ITGA9: variants seen among roughly 807,000 people sequenced by gnomAD.
The protein encoded by ITGA9 is integrin subunit alpha 9, also known as integrin alpha-9.
A neutral mutation model predicts 127.8 loss-of-function variants in ITGA9; 56 were observed. The observed-to-expected ratio is 0.44, with a 90% CI of 0.35 to 0.55. The LOEUF (loss-of-function observed/expected upper bound fraction) is 0.55, where lower values mean the gene tolerates loss of function less well. Among genes scored for constraint, ITGA9 ranks in the 20% least tolerant of loss-of-function variants. The pLI, the probability that ITGA9 is intolerant of heterozygous loss-of-function variation, is 0.00. For synonymous variants in ITGA9, 508 were observed against 514.5 expected (o/e 0.99, Z 0.17); for missense variants, 1,196 against 1,347.1 (o/e 0.89, Z 1.76).
At chr3:37,486,138 G>A (rs185901251) in intron 4 of ITGA9, among the ~76,000 whole-genome samples, 496 of 152,318 alleles carry the variant, frequency 3.3e-3, no homozygotes, top group Non-Finnish European at 5.4e-3. Flanking sequence ...GCAAGAAGCC[G>A]GAACTTAGCA....
rs757718749 is a variant in ITGA9, at chr3:37,785,036, A to C, written c.2847A>C (p.Leu949=). The change falls in exon 26 of 28, where the codon CTA becomes CTC. Residue 949 remains leucine, a synonymous_variant. Coordinates refer to ENST00000264741, the MANE Select transcript of ITGA9 (RefSeq NM_002207.3). The stretch of plus-strand genomic sequence containing the variant: ...CCAAGGTGAAGGTGGATCCTGCCCT[A>C]AGGGTGGTGGAAATAGCTCATGGGA... The part of the protein sequence containing the change: ...SRAKVKVDPA[L]RVVEIAHGNP... The C allele has an allele frequency of 6.2e-7, 1 of 1,614,074 alleles. No individual in the cohort carries two copies. Among genetic ancestry groups the C allele is most frequent in the Non-Finnish European group, 8.5e-7 (1 of 1,179,972 alleles).
At chr3:37,565,364 T>C (rs1029227335) in intron 15 of ITGA9, among the ~76,000 whole-genome samples, 2 of 152,198 alleles carry the variant, frequency 1.3e-5, no homozygotes, top group Non-Finnish European at 2.9e-5. Flanking sequence ...GTGTTAGTGG[T>C]CAGGCAAATA....
At chr3:37,526,904 TTGAG>T (rs1340690457) in intron 13 of ITGA9, among the ~76,000 whole-genome samples, 1 of 152,210 alleles carries the variant, frequency 6.6e-6, no homozygotes. Context: ...AGCCTCCTGT[TTGAG>T]TGAGATGCCC....
At chr3:37,683,802 T>G in intron 17 of ITGA9, 63 bp from the exon 18 acceptor site, 1 of 1,560,030 alleles carries the variant, frequency 6.4e-7, no homozygotes, top group East Asian at 2.2e-5. Flanking sequence ...AACTACCCCC[T>G]GTGCCTCATG....
chr3:37,773,561 C>T (rs1439210387), intron 23 of ITGA9, among the ~76,000 whole-genome samples: 2 of 152,032 alleles, frequency 1.3e-5, no homozygotes, highest in Non-Finnish European at 2.9e-5. Flanking sequence ...GCACATCCTC[C>T]ATTTCCCTAA....
At chr3:37,537,265 C>G (rs1050102697) in intron 14 of ITGA9, among the ~76,000 whole-genome samples, 1 of 152,156 alleles carries the variant, frequency 6.6e-6, no homozygotes, top group Non-Finnish European at 1.5e-5. Flanking sequence ...TTGGGGCCAG[C>G]TGCCGTGAGA....
In ITGA9 at chr3:37,697,539, A is replaced by G. The variant is rs543585049; in HGVS notation, c.2067+13524A>G. On this transcript the variant is annotated intron_variant, in intron 18 of 27. Coordinates refer to ENST00000264741, the MANE Select transcript of ITGA9 (RefSeq NM_002207.3). ...TGTGATGTTCCCCTTCTTGTGTCCAAGTGTTCTCATTGTTCAATTCCCACC... is the reference window on the plus strand; with the variant it reads ...TGTGATGTTCCCCTTCTTGTGTCCAGGTGTTCTCATTGTTCAATTCCCACC... Among the ~76,000 whole-genome samples the G allele has an allele frequency of 3.0e-4, 46 of 151,738 alleles. No individual in the cohort carries two copies. In the South Asian group the frequency reaches 9.0e-3, roughly 30 times the overall value.
intron 1 of ITGA9, among the ~76,000 whole-genome samples, chr3:37,454,732 G>A (rs1032748831): frequency 3.3e-5 from 5 of 152,072 alleles, no homozygotes; most frequent in Non-Finnish European, 7.4e-5. Flanking sequence ...CTTAGATTGT[G>A]TTCTCCCCTT....
chr3:37,706,634 G>C (rs984180835), intron 18 of ITGA9, among the ~76,000 whole-genome samples: 6 of 152,162 alleles, frequency 3.9e-5, no homozygotes, highest in African/African-American at 1.4e-4. Context: ...CCAAGGAATG[G>C]ATTGTCCTGC....
At chr3:37,718,488 A>T (rs1701157341) in intron 18 of ITGA9, among the ~76,000 whole-genome samples, 1 of 152,158 alleles carries the variant, frequency 6.6e-6, no homozygotes, top group Non-Finnish European at 1.5e-5. Flanking sequence ...TTTTTCTCAC[A>T]TACTCTAGGT....
At chr3:37,620,526 C>T (rs1340866914) in intron 15 of ITGA9, among the ~76,000 whole-genome samples, 2 of 152,208 alleles carry the variant, frequency 1.3e-5, no homozygotes, top group Non-Finnish European at 2.9e-5. Context: ...TTGATTCTGT[C>T]ATCCCATTTT....
intron 15 of ITGA9, among the ~76,000 whole-genome samples, chr3:37,564,254 T>A (rs1699524109): frequency 6.6e-6 from 1 of 152,244 alleles, no homozygotes; most frequent in South Asian, 2.1e-4. Context: ...TCTCTACTCA[T>A]GTAGAAACTC....
chr3:37,558,685 C>T (rs762310), intron 15 of ITGA9, among the ~76,000 whole-genome samples: 53,077 of 152,092 alleles, frequency 0.35, 10,077 homozygotes, highest in East Asian at 0.51. Flanking sequence ...GATGGAGACT[C>T]GTAAGCCATA....
chr3:37,528,093 C>T (rs1267707016), intron 13 of ITGA9, among the ~76,000 whole-genome samples: 2 of 152,156 alleles, frequency 1.3e-5, no homozygotes, highest in African/African-American at 2.4e-5. Context: ...CCCAACAGGC[C>T]CTCTTAAAAC....
intron 16 of ITGA9, among the ~76,000 whole-genome samples, chr3:37,630,238 C>T (rs922451951): frequency 3.3e-5 from 5 of 151,656 alleles, no homozygotes; most frequent in African/African-American, 9.7e-5. Flanking sequence ...AGATATCCAT[C>T]CAGGTGTTCA....
At chr3:37,489,745 G>C (rs1579060031) in intron 4 of ITGA9, among the ~76,000 whole-genome samples, 1 of 126,604 alleles carries the variant, frequency 7.9e-6, no homozygotes, top group African/African-American at 3.0e-5. Flanking sequence ...ATTGTTTCCT[G>C]TATTGTACAA....
In ITGA9 at chr3:37,452,325, G is replaced by C; in HGVS notation, c.-50G>C. 1.0e-6 allele frequency: 1 copy of C among 1,004,654 alleles called. No individual in the cohort carries two copies. The highest frequency in any genetic ancestry group is 1.2e-6 in the Non-Finnish European group (1 of 839,350). 62.2% of individuals were successfully genotyped at this position (1,004,654 alleles called of 1,614,324 possible). On this transcript the variant is annotated 5_prime_UTR_variant, in exon 1 of 28. Transcript: ENST00000264741. The surrounding 1 kb of genome is among the most constrained non-coding windows in gnomAD (Gnocchi z 7.3). ...CGTCGGCGGGCCCCGCGGCCCGCGC[G>C]CTCGGCGCCCTGCTCGCCGGGCAGA...
intron 17 of ITGA9, among the ~76,000 whole-genome samples, chr3:37,673,695 T>C (rs1700657671): frequency 6.6e-6 from 1 of 152,332 alleles, no homozygotes; most frequent in African/African-American, 2.4e-5. Flanking sequence ...TTTTAATCCC[T>C]TCTATGAACT....
At chr3:37,759,952 C>T (rs750541347) in intron 23 of ITGA9, among the ~76,000 whole-genome samples, 1 of 151,640 alleles carries the variant, frequency 6.6e-6, no homozygotes, top group Non-Finnish European at 1.5e-5. Flanking sequence ...CCTGACTGGG[C>T]ACGGTGGCTC....
Sources: allele counts gnomAD v4.1 joint callset (sites outside exome capture counted in the v4.1 genomes callset), GRCh38; gene constraint gnomAD v4.1.1; non-coding constraint Gnocchi (gnomAD v3.1); transcripts MANE v1.5; gene names NCBI Gene and HGNC (gene_info 2026-07-23, HGNC 2026-07-21).